DYSF: variants seen among roughly 807,000 people sequenced by gnomAD.
The protein encoded by DYSF is dysferlin.
Under a neutral mutation model 274.9 loss-of-function variants are expected in DYSF, and 212 were observed. The observed-to-expected ratio is 0.77, with a 90% CI of 0.69 to 0.86. The LOEUF is 0.86. DYSF is among the 40% of genes least tolerant of loss of function. The pLI is 0.00. For synonymous variants in DYSF, 1,091 were observed against 1,078.7 expected, an observed-to-expected ratio of 1.01 and a Z score of -0.22; for missense variants, 2,666 against 2,783.2, an observed-to-expected ratio of 0.96 and a Z score of 0.95.
rs202000264 is a variant in DYSF at position 71,589,596 on chromosome 2, G to A, written c.3406G>A (p.Gly1136Ser). The change falls in exon 31 of 56, where the codon GGC becomes AGC. Residue 1136 changes from glycine to serine, a missense_variant. By Grantham distance (56) the Gly-to-Ser change is moderately conservative (BLOSUM62 0). This residue lies in a region of DYSF where 1,460 missense variants were observed against 1,502.1 expected (regional missense o/e 0.97). Coordinates refer to ENST00000410020, the MANE Select transcript of DYSF (RefSeq NM_001130987.2). The part of the protein sequence containing the change: ...AVFALEGALG[G>S]VMDDKSEDSM... ...ATAACCAGCTTCGTGTCTCCAGGGCGGCGTGATGGATGACAAGAGTGAAGA... is the reference window on the plus strand; with the variant it reads ...ATAACCAGCTTCGTGTCTCCAGGGCAGCGTGATGGATGACAAGAGTGAAGA... The A allele has an allele frequency of 2.2e-5, 36 of 1,613,984 alleles. No homozygotes were observed. Among genetic ancestry groups the A allele is most frequent in the Admixed American group, 1.0e-4 (6 of 60,018 alleles).
chr2:71,468,973 C>T (rs769886335), intron 1 of DYSF, among the ~76,000 whole-genome samples: 1 of 152,202 alleles, frequency 6.6e-6, no homozygotes, highest in African/African-American at 2.4e-5. Context: ...TAGTCTGGGA[C>T]ATGGTCCGCT....
Position 71,513,933 on chromosome 2 carries a change from G to A in DYSF, c.759+12G>A. The A allele has an allele frequency of 6.2e-7, 1 of 1,614,098 alleles. No homozygotes were observed. Among genetic ancestry groups the A allele is most frequent in the Non-Finnish European group, 8.5e-7 (1 of 1,179,978 alleles). ...CGCAGGATTTCCAGGTGATGAACGG[G>A]CTTTCTCTGACCCCAGGCTCCTCTT... On this transcript the variant is annotated intron_variant, in intron 7 of 55. Coordinates refer to ENST00000410020, the MANE Select transcript of DYSF (RefSeq NM_001130987.2).
At chr2:71,642,029 G>A (rs1048693274) in intron 41 of DYSF, among the ~76,000 whole-genome samples, 4 of 152,144 alleles carry the variant, frequency 2.6e-5, no homozygotes, top group Admixed American at 6.5e-5. Flanking sequence ...CAGACTATCT[G>A]TCTCTAATTC....
exon 1 of DYSF, chr2:71,453,817 C>A (rs975675991): frequency 7.2e-5 from 48 of 663,888 alleles, no homozygotes; most frequent in Middle Eastern, 3.8e-4. Context: ...CCCACTGGAG[C>A]AGCCGGGGGT....
chr2:71,475,912 G>A (rs987711600), intron 1 of DYSF, among the ~76,000 whole-genome samples: 12 of 152,090 alleles, frequency 7.9e-5, no homozygotes, highest in African/African-American at 2.9e-4. Flanking sequence ...GGGACCGCAG[G>A]CACATGCACC....
chr2:71,664,181 C>A (rs2094954541), intron 45 of DYSF, 87 bp from the exon 46 acceptor site: 2 of 1,555,586 alleles, frequency 1.3e-6, no homozygotes, highest in African/African-American at 1.4e-5. Context: ...AGAAGACTCC[C>A]TGGGGTAGTT....
intron 41 of DYSF, among the ~76,000 whole-genome samples, chr2:71,639,291 T>C (rs1222073906): frequency 6.6e-6 from 1 of 152,210 alleles, no homozygotes; most frequent in Non-Finnish European, 1.5e-5. Flanking sequence ...TTTCACTTTA[T>C]TGGTAGTGTA....
At chr2:71,456,958 G>A (rs574352044) in intron 1 of DYSF, among the ~76,000 whole-genome samples, 1 of 152,312 alleles carries the variant, frequency 6.6e-6, no homozygotes, top group South Asian at 2.1e-4. Flanking sequence ...AGAGTAGGGG[G>A]AGTGCAGGGC....
rs774644329 is a variant in DYSF at position 71,682,724 on chromosome 2, G to C, written c.6321+47G>C. ...GTGGTGGGGGAACTCTGGGTCTAAT[G>C]GGGGAGTTCATCATTGTCCTCAAAG... On this transcript the variant is annotated intron_variant, in intron 55 of 55. Transcript: ENST00000410020. The C allele has an allele frequency of 3.1e-6, 5 of 1,589,146 alleles. No individual in the cohort carries two copies. The South Asian group carries it at 5.6e-5, about 18-fold the overall frequency.
intron 3 of DYSF, among the ~76,000 whole-genome samples, chr2:71,488,867 C>T (rs1419356881): frequency 2.6e-5 from 4 of 152,150 alleles, no homozygotes; most frequent in Non-Finnish European, 2.9e-5. Context: ...CACCCTTCCC[C>T]ATGGTCTGAG....
At chr2:71,665,463 G>A (rs2094981406) in intron 47 of DYSF, among the ~76,000 whole-genome samples, 159 bp downstream of exon 47, 1 of 152,090 alleles carries the variant, frequency 6.6e-6, no homozygotes, top group East Asian at 1.9e-4. Context: ...ACTTGCACTT[G>A]GTACTTTGAG....
In DYSF at chr2:71,552,693, C is replaced by T. The variant is rs568613632; in HGVS notation, c.1807-318C>T. Among the ~76,000 whole-genome samples the T allele has an allele frequency of 3.9e-5, 6 of 152,340 alleles. No homozygotes were observed. In the East Asian group the frequency reaches 7.7e-4, roughly 20 times the overall value. Reference sequence around the variant, plus strand: ...GCAGATAAGGCCCGGGTTGCCCCTGCGGGCCCAGTGGGAGCCCCCACTCAG... The same window carrying T: ...GCAGATAAGGCCCGGGTTGCCCCTGTGGGCCCAGTGGGAGCCCCCACTCAG... On this transcript the variant is annotated intron_variant, in intron 19 of 55. Coordinates refer to ENST00000410020, the MANE Select transcript of DYSF (RefSeq NM_001130987.2).
intron 41 of DYSF, among the ~76,000 whole-genome samples, chr2:71,639,646 C>G (rs979614101): frequency 2.6e-5 from 4 of 152,156 alleles, no homozygotes; most frequent in African/African-American, 9.7e-5. Flanking sequence ...CAAACAGTTC[C>G]TTATTGTTGG....
chr2:71,500,467 A>G (rs2084869774), intron 3 of DYSF, among the ~76,000 whole-genome samples: 1 of 152,016 alleles, frequency 6.6e-6, no homozygotes, highest in South Asian at 2.1e-4. Context: ...CATGGCCCCA[A>G]AAAGCATTTC....
At chr2:71,477,751 A>G (rs1447737964) in intron 1 of DYSF, among the ~76,000 whole-genome samples, 1 of 152,254 alleles carries the variant, frequency 6.6e-6, no homozygotes, top group Non-Finnish European at 1.5e-5. Context: ...ATGTTCATTG[A>G]TCTGGTTTCA....
chr2:71,522,796 C>T (rs2087442027), intron 12 of DYSF, among the ~76,000 whole-genome samples: 1 of 152,160 alleles, frequency 6.6e-6, no homozygotes, highest in African/African-American at 2.4e-5. Context: ...TATTAGGTGA[C>T]ATCTTAGGAA....
chr2:71,618,432 G>GT (rs1558640163), intron 40 of DYSF, among the ~76,000 whole-genome samples: 1 of 26,972 alleles, frequency 3.7e-5, no homozygotes, highest in Non-Finnish European at 7.8e-5. Context: ...TGGTAGAGGT[G>GT]GGGTGTGTGT....
intron 13 of DYSF, among the ~76,000 whole-genome samples, chr2:71,527,770 T>C (rs1412404289): frequency 3.3e-5 from 5 of 151,852 alleles, no homozygotes; most frequent in African/African-American, 1.2e-4. Flanking sequence ...CACATAAACA[T>C]ATCTATCTAT....
At chr2:71,633,307 A>C (rs140554179) in intron 41 of DYSF, among the ~76,000 whole-genome samples, 100 of 152,218 alleles carry the variant, frequency 6.6e-4, no homozygotes, top group African/African-American at 2.2e-3. Context: ...GGCATGAGTA[A>C]TTTTATGTTA....
Sources: gnomAD v4.1 joint callset for allele counts (sites outside exome capture counted in the v4.1 genomes callset) on GRCh38, gnomAD v4.1.1 for gene constraint, gnomAD v4.1.1 regional missense constraint, MANE v1.5 for transcripts, NCBI Gene and HGNC (gene_info 2026-07-23, HGNC 2026-07-21) for gene names.